The following BTG4 variants were observed in gnomAD, a reference collection of about 807,000 sequenced individuals.
BTG4 encodes protein BTG4.
In BTG4, 10 loss-of-function variants were observed where a neutral mutation model predicts 19.3. That is an observed-to-expected ratio of 0.52 (90% CI 0.32 to 0.88). The LOEUF (loss-of-function observed/expected upper bound fraction) is 0.88, where lower values mean the gene tolerates loss of function less well. BTG4 is among the 40% of genes least tolerant of loss of function. BTG4 has a pLI of 0.04. For synonymous variants in BTG4, 91 were observed against 95.7 expected (o/e 0.95, Z 0.29); for missense variants, 238 against 281.9 (o/e 0.84, Z 1.11).
At position 111,481,122 on chromosome 11, in the gene BTG4, C is replaced by G. The variant is rs528740185; in HGVS notation, c.663-13441G>C. Among the ~76,000 whole-genome samples the G allele has an allele frequency of 1.6e-3, 237 of 151,934 alleles. 1 individual carries two copies. Among genetic ancestry groups the G allele is most frequent in the Non-Finnish European group, 2.2e-3 (147 of 67,810 alleles). ...TGAATGTAGGGATACCACTGCAGAC[C>G]TGCAGACACCAAAAGGATAATAAGG... On this transcript the variant is annotated intron_variant, in intron 5 of 5. Transcript: ENST00000356018.
At chr11:111,471,246 G>A (rs1189979718) in intron 5 of BTG4, among the ~76,000 whole-genome samples, 1 of 152,190 alleles carries the variant, frequency 6.6e-6, no homozygotes, top group Non-Finnish European at 1.5e-5. Context: ...GTGGATCTGA[G>A]ACTAGATTCT....
intron 3 of BTG4, 58 bp downstream of exon 3, chr11:111,497,940 G>C (rs760424426): frequency 7.0e-6 from 11 of 1,569,898 alleles, no homozygotes; most frequent in African/African-American, 1.4e-5. Context: ...GGTATGTAAA[G>C]TTGTCTAACT....
chr11:111,460,346 C>T, the BTG4 span: 5 of 152,660 alleles, frequency 3.3e-5, no homozygotes, highest in African/African-American at 1.2e-4. Context: ...GGCTTTACCT[C>T]GGGGAGTGAG....
chr11:111,392,169 CT>C, the BTG4 span, among the ~76,000 whole-genome samples: 221 of 85,430 alleles, frequency 2.6e-3, 1 homozygote, highest in East Asian at 0.026. Context: ...CTGTGATTTT[CT>C]TTTTTTTTTT....
At chr11:111,454,648 A>T in the BTG4 span, among the ~76,000 whole-genome samples, 1 of 152,194 alleles carries the variant, frequency 6.6e-6, no homozygotes, top group African/African-American at 2.4e-5. Context: ...AGTCCTCGGT[A>T]GCCCAACTAG....
intron 5 of BTG4, chr11:111,469,850 G>C (rs1297729172): frequency 1.3e-5 from 2 of 152,688 alleles, no homozygotes; most frequent in Non-Finnish European, 2.9e-5. Context: ...AGTTTCCAGG[G>C]ACAGTAAACT....
At chr11:111,412,653 G>C in the BTG4 span, among the ~76,000 whole-genome samples, 1 of 152,094 alleles carries the variant, frequency 6.6e-6, no homozygotes, top group East Asian at 1.9e-4. Flanking sequence ...ACAGTCTTAC[G>C]AGGTTGGTAC....
At chr11:111,508,235 C>T (rs1453275721) in intron 1 of BTG4, among the ~76,000 whole-genome samples, 1 of 152,182 alleles carries the variant, frequency 6.6e-6, no homozygotes, top group Admixed American at 6.5e-5. Flanking sequence ...TTACTAATCT[C>T]CTAAATGGTC....
chr11:111,490,761 C>T (rs1043430582), downstream of BTG4, among the ~76,000 whole-genome samples: 1 of 152,142 alleles, frequency 6.6e-6, no homozygotes, highest in Non-Finnish European at 1.5e-5. Flanking sequence ...TATGACAATA[C>T]CAAAGACTGG....
chr11:111,388,365 G>A, the BTG4 span, among the ~76,000 whole-genome samples: 1 of 150,802 alleles, frequency 6.6e-6, no homozygotes, highest in South Asian at 2.1e-4. Context: ...ATGTGACATT[G>A]CTTTGGGATT....
At position 111,481,391 on chromosome 11, in the gene BTG4, T is replaced by G. The variant is rs373701079; in HGVS notation, c.663-13710A>C. Among the ~76,000 whole-genome samples, 4 of 151,860 alleles carry G rather than the reference T, an allele frequency of 2.6e-5. No homozygotes were observed. In the South Asian group the frequency reaches 8.3e-4, roughly 31 times the overall value. On this transcript the variant is annotated intron_variant, in intron 5 of 5. Transcript: ENST00000356018. ...GGATTAACATCAACTCTATGCAATT[T>G]CTTCTATAAAATAGAAGAGCATTAC...
chr11:111,418,831 C>T, the BTG4 span, among the ~76,000 whole-genome samples: 140,176 of 152,242 alleles, frequency 0.92, 64,874 homozygotes, highest in East Asian at 1. Context: ...GCCACGTCTG[C>T]AGGAGTTTGT....
chr11:111,421,391 T>C, the BTG4 span, among the ~76,000 whole-genome samples: 140,200 of 152,272 alleles, frequency 0.92, 64,892 homozygotes, highest in East Asian at 1. Flanking sequence ...CCAAACTGGA[T>C]AATTCATGAG....
At chr11:111,444,251 AGAGAG>A in the BTG4 span, among the ~76,000 whole-genome samples, 3 of 135,592 alleles carry the variant, frequency 2.2e-5, no homozygotes, top group South Asian at 2.7e-4. Flanking sequence ...AGAGACAGAG[AGAGAG>A]GAGAGGAGAG....
chr11:111,403,480 T>A, the BTG4 span, among the ~76,000 whole-genome samples: 1 of 152,168 alleles, frequency 6.6e-6, no homozygotes, highest in Admixed American at 6.5e-5. Flanking sequence ...GTGAAGCAGT[T>A]TATTTCTGGG....
chr11:111,488,647 A>T (rs1325977450), intron 5 of BTG4, among the ~76,000 whole-genome samples: 5 of 138,042 alleles, frequency 3.6e-5, no homozygotes, highest in African/African-American at 1.1e-4. Context: ...TAATCAACAA[A>T]GTGAAGAGAC....
chr11:111,485,321 A>T (rs1159339626), intron 5 of BTG4, among the ~76,000 whole-genome samples: 1 of 152,220 alleles, frequency 6.6e-6, no homozygotes, highest in Non-Finnish European at 1.5e-5. Context: ...TCCTCAGCAT[A>T]TGGAACATTC....
the BTG4 span, among the ~76,000 whole-genome samples, chr11:111,386,745 C>T: frequency 6.6e-6 from 1 of 152,120 alleles, no homozygotes. Flanking sequence ...GTAATGGGCT[C>T]CGAGGTAAAA....
chr11:111,438,701 C>T, the BTG4 span, among the ~76,000 whole-genome samples: 4 of 152,192 alleles, frequency 2.6e-5, no homozygotes, highest in African/African-American at 9.7e-5. Flanking sequence ...CTCCCAAGTC[C>T]TTATTCTGAA....
Sources: gnomAD v4.1 joint callset for allele counts (sites outside exome capture counted in the v4.1 genomes callset) on GRCh38, gnomAD v4.1.1 for gene constraint, MANE v1.5 for transcripts, NCBI Gene and HGNC (gene_info 2026-07-23, HGNC 2026-07-21) for gene names.